TPRKB: variants seen among roughly 807,000 people sequenced by gnomAD.
The protein encoded by TPRKB is TP53RK binding protein, also known as EKC/KEOPS complex subunit TPRKB.
Under a neutral mutation model 17.8 loss-of-function variants are expected in TPRKB, and 11 were observed. The observed-to-expected ratio is 0.62, with a 90% CI of 0.39 to 1.02. The LOEUF (loss-of-function observed/expected upper bound fraction) is 1.02, where lower values mean the gene tolerates loss of function less well. TPRKB is among the 50% of genes least tolerant of loss of function. The probability of loss-of-function intolerance (pLI) is 0.00; values close to 1 mark genes in which losing one functional copy is unlikely to be tolerated. For synonymous variants in TPRKB, 71 were observed against 69.5 expected, an observed-to-expected ratio of 1.02 and a Z score of -0.11; for missense variants, 228 against 198.0, an observed-to-expected ratio of 1.15 and a Z score of -0.91.
chr2:73,729,994 C>T lies in TPRKB; in HGVS notation c.477G>A (p.Gly159=). 6.3e-7 allele frequency: 1 copy of T among 1,578,826 alleles called. No individual in the cohort carries two copies. Among genetic ancestry groups the T allele is most frequent in the Non-Finnish European group, 8.6e-7 (1 of 1,160,606 alleles). The change falls in exon 5 of 5, where the codon GGG becomes GGA. Residue 159 remains glycine, a synonymous_variant. Transcript: ENST00000272424. ...YKLSSQEESI[G]TLLDAIICRM... The stretch of plus-strand genomic sequence containing the variant: ...TACAAATGATAGCATCCAATAATGT[C>T]CCAATACTTTCTTCTTGTGAAGAGA...
At position 73,734,601 on chromosome 2, in the gene TPRKB, AAATGAAAAG is replaced by A; in HGVS notation, c.-22-19_-22-11del. ...GATAAGCAGGATTCTACTGCACACA[AAATGAAAAG>A]ACCAAAAGATTTCATTTAAAAGTTA... On this transcript the variant is annotated splice_polypyrimidine_tract_variant and intron_variant, in intron 1 of 4. Coordinates refer to ENST00000272424, the MANE Select transcript of TPRKB (RefSeq NM_016058.5). The A allele has an allele frequency of 6.4e-7, 1 of 1,556,718 alleles. No homozygotes were observed. Among genetic ancestry groups the A allele is most frequent in the Non-Finnish European group, 8.6e-7 (1 of 1,156,682 alleles).
intron 2 of TPRKB, among the ~76,000 whole-genome samples, chr2:73,733,031 C>T (rs1470395911): frequency 6.6e-6 from 1 of 152,114 alleles, no homozygotes; most frequent in African/African-American, 2.4e-5. Context: ...GAAACTTATG[C>T]AAGTTCATTA....
At position 73,732,244 on chromosome 2, in the gene TPRKB, TG is replaced by T; in HGVS notation, c.182del (p.Ala61GlufsTer10). 1 of 1,614,030 alleles carries T rather than the reference TG, an allele frequency of 6.2e-7. No homozygotes were observed. Among genetic ancestry groups the T allele is most frequent in the Non-Finnish European group, 8.5e-7 (1 of 1,179,958 alleles). ...PFQILVAANK[A>X]VHLYKLGKMK... Reference sequence around the variant, plus strand: ...TTTTTCCCAGTTTGTAGAGGTGAACTGCTTTGTTTGCTGCCACAAGTATCTG... The same window carrying T: ...TTTTTCCCAGTTTGTAGAGGTGAACTCTTTGTTTGCTGCCACAAGTATCTG... On this transcript the variant is annotated frameshift_variant, in exon 3 of 5. Coordinates refer to ENST00000272424, the MANE Select transcript of TPRKB (RefSeq NM_016058.5). LOFTEE classifies it high-confidence loss of function.
chr2:73,735,541 A>G (rs1232445735), intron 1 of TPRKB, among the ~76,000 whole-genome samples: 2 of 152,244 alleles, frequency 1.3e-5, no homozygotes, highest in South Asian at 2.1e-4. Context: ...CATTCCACGC[A>G]TGGAAATTAA....
intron 3 of TPRKB, 61 bp from the exon 4 acceptor site, chr2:73,730,797 A>C (rs1390183792): frequency 4.9e-6 from 6 of 1,234,238 alleles, no homozygotes; most frequent in Non-Finnish European, 6.5e-6. Flanking sequence ...CCTACGTCTG[A>C]AACATTTCCT....
Position 73,732,327 on chromosome 2 carries a change from C to A in TPRKB, c.142-42G>T, listed in dbSNP as rs116647863. 1,014 of 1,592,102 alleles carry A rather than the reference C, an allele frequency of 6.4e-4. 4 individuals carry two copies. In the African/African-American group the frequency reaches 0.012, roughly 19 times the overall value. The stretch of plus-strand genomic sequence containing the variant: ...AAAGAATTAATTACACATGGAGAAT[C>A]TGCAGTGCCTGAAAACACATGGTAA... On this transcript the variant is annotated intron_variant, in intron 2 of 4. Coordinates refer to ENST00000272424, the MANE Select transcript of TPRKB (RefSeq NM_016058.5).
At position 73,733,246 on chromosome 2, in the gene TPRKB, G is replaced by GTTTTTT. The variant is rs3076394; in HGVS notation, c.142-967_142-962dup. ...AACATGATCGCACTGCGTGTGCCCT[G>GTTTTTT]TTTTTTTGTTTTTTTTTTTTTTTGG... On this transcript the variant is annotated intron_variant, in intron 2 of 4. Transcript: ENST00000272424. 1.9e-3 allele frequency among the ~76,000 whole-genome samples: 227 copies of GTTTTTT among 119,378 alleles called. 38 individuals carry two copies. The highest frequency in any genetic ancestry group is 2.0e-3 in the Non-Finnish European group (116 of 57,904). 78.3% of individuals were successfully genotyped at this position (119,378 alleles called of 152,430 possible).
At chr2:73,735,281 G>C (rs576798034) in intron 1 of TPRKB, among the ~76,000 whole-genome samples, 1 of 151,666 alleles carries the variant, frequency 6.6e-6, no homozygotes, top group Non-Finnish European at 1.5e-5. Context: ...GCAGTGAGCC[G>C]AGATCATACC....
In TPRKB at chr2:73,730,027, T is replaced by A. The variant is rs778740524; in HGVS notation, c.444A>T (p.Ile148=). The A allele has an allele frequency of 1.2e-5, 18 of 1,560,976 alleles. 1 individual carries two copies. Among genetic ancestry groups the A allele is most frequent in the Non-Finnish European group, 1.6e-5 (18 of 1,151,840 alleles). ...TTTCTTCTTGTGAAGAGAGTTTATA[T>A]ATCTGTAAAAATGAAAGACAAATTA... is the stretch of plus-strand genomic sequence containing the variant. ...EIMNITEVKK[I]YKLSSQEESI... is the part of the protein sequence containing the mutation. Residue 148 remains isoleucine (I), a splice_region_variant and synonymous_variant, in exon 5 of 5, where the codon ATA becomes ATT. Transcript: ENST00000272424.
chr2:73,731,515 A>G (rs891151145), intron 3 of TPRKB, among the ~76,000 whole-genome samples: 3 of 152,218 alleles, frequency 2.0e-5, no homozygotes, highest in African/African-American at 7.2e-5. Context: ...AATCATCTGT[A>G]TTTTAACCTA....
chr2:73,732,924 TTAG>T (rs1354045231), intron 2 of TPRKB, among the ~76,000 whole-genome samples: 6 of 152,126 alleles, frequency 3.9e-5, no homozygotes, highest in Non-Finnish European at 8.8e-5. Flanking sequence ...GACACTATTA[TTAG>T]TAGTAGTAGC....
At chr2:73,737,010 A>G (rs1671916295) in intron 1 of TPRKB, among the ~76,000 whole-genome samples, 1 of 151,936 alleles carries the variant, frequency 6.6e-6, no homozygotes, top group African/African-American at 2.4e-5. Context: ...GAGTCCATTT[A>G]CTACAGCGCC....
At chr2:73,730,219 C>T (rs1198241826) in intron 4 of TPRKB, 190 bp from the exon 5 acceptor site, 2 of 613,314 alleles carry the variant, frequency 3.3e-6, no homozygotes, top group Non-Finnish European at 4.9e-6. Flanking sequence ...TAAATTGCTG[C>T]TATGGGAGTA....
In TPRKB at chr2:73,732,629, A is replaced by G. The variant is rs568359468; in HGVS notation, c.142-344T>C. The G allele has an allele frequency of 1.4e-4, 27 of 191,450 alleles. No homozygotes were observed. In the East Asian group the frequency reaches 4.1e-3, roughly 29 times the overall value. The allele number at this position is 191,450 out of a possible 1,614,324, so 11.9% of individuals were successfully genotyped here. A position where few individuals can be genotyped will look rare whatever the true frequency, so the allele number is the denominator to read the frequency against. ...GAGGCTGAGGCAGGACAATTGCTTGAACCCGGGAGGCAGAGGTTGCCGTGA... is the reference window on the plus strand; with the variant it reads ...GAGGCTGAGGCAGGACAATTGCTTGGACCCGGGAGGCAGAGGTTGCCGTGA... On this transcript the variant is annotated intron_variant, in intron 2 of 4. Transcript: ENST00000272424.
chr2:73,732,422 A>G, intron 2 of TPRKB, 137 bp from the exon 3 acceptor site: 4 of 1,071,644 alleles, frequency 3.7e-6, no homozygotes, highest in Non-Finnish European at 5.2e-6. Context: ...TTTCAAAACT[A>G]TTATCCCGGC....
intron 3 of TPRKB, chr2:73,731,892 A>T (rs1480038805): frequency 7.5e-6 from 2 of 267,290 alleles, no homozygotes; most frequent in African/African-American, 2.2e-5. Flanking sequence ...CAGCTTCTCA[A>T]GCAAAAATAC....
intron 1 of TPRKB, among the ~76,000 whole-genome samples, chr2:73,736,818 T>G (rs1671905305): frequency 1.3e-5 from 2 of 152,206 alleles, no homozygotes; most frequent in Non-Finnish European, 2.9e-5. Flanking sequence ...CCCAACTTTG[T>G]GTCACGGTGT....
Position 73,734,603 on chromosome 2 carries a change from A to AGATTTCAT in TPRKB, c.-22-13_-22-12insATGAAATC, listed in dbSNP as rs747568273. 1 of 1,555,260 alleles carries AGATTTCAT rather than the reference A, an allele frequency of 6.4e-7. No homozygotes were observed. Among genetic ancestry groups the AGATTTCAT allele is most frequent in the Admixed American group, 2.2e-5 (1 of 45,956 alleles). On this transcript the variant is annotated splice_polypyrimidine_tract_variant and intron_variant, in intron 1 of 4. Coordinates refer to ENST00000272424, the MANE Select transcript of TPRKB (RefSeq NM_016058.5). ...TAAGCAGGATTCTACTGCACACAAA[A>AGATTTCAT]TGAAAAGACCAAAAGATTTCATTTA...
chr2:73,733,701 G>A (rs1671739516), intron 2 of TPRKB, among the ~76,000 whole-genome samples: 1 of 152,106 alleles, frequency 6.6e-6, no homozygotes, highest in Non-Finnish European at 1.5e-5. Flanking sequence ...GTCAAAGTTG[G>A]CTGCATCTGA....
Sources: allele counts gnomAD v4.1 joint callset (sites outside exome capture counted in the v4.1 genomes callset), GRCh38; gene constraint gnomAD v4.1.1; transcripts MANE v1.5; gene names NCBI Gene and HGNC (gene_info 2026-07-23, HGNC 2026-07-21).